Variants in PPIB observed in about 807,000 individuals in gnomAD.
PPIB encodes the protein peptidyl-prolyl cis-trans isomerase B.
In PPIB, 15 loss-of-function variants were observed where a neutral mutation model predicts 20.1. The observed-to-expected ratio is 0.75, with a 90% CI of 0.50 to 1.15. The LOEUF (loss-of-function observed/expected upper bound fraction) is 1.15, where lower values mean the gene tolerates loss of function less well. Among genes scored for constraint, PPIB ranks in the 50% most tolerant of loss-of-function variants. The pLI, the probability that PPIB is intolerant of heterozygous loss-of-function variation, is 0.00. For missense variants in PPIB, 278 were observed against 283.0 expected (o/e 0.98, Z 0.13); for synonymous variants, 129 against 111.0 (o/e 1.16, Z -1.02).
Position 64,162,996 on chromosome 15 carries a change from G to T in PPIB, c.-10C>A, listed in dbSNP as rs375998912. Reference sequence around the variant, plus strand: ...CGGAGAGGCGCAGCATCCACAGGCGGAGGCGAAAGCAGCCCGGACAGCTGA... The same window carrying T: ...CGGAGAGGCGCAGCATCCACAGGCGTAGGCGAAAGCAGCCCGGACAGCTGA... On this transcript the variant is annotated 5_prime_UTR_variant, in exon 1 of 5. Coordinates refer to ENST00000300026, the MANE Select transcript of PPIB (RefSeq NM_000942.5). 47 of 1,612,264 alleles carry T rather than the reference G, an allele frequency of 2.9e-5. 1 individual carries two copies. In the African/African-American group the frequency reaches 4.7e-4, roughly 16 times the overall value.
Position 64,156,139 on chromosome 15 carries a change from C to A in PPIB, c.535G>T (p.Val179Leu). The change falls in exon 5 of 5, where the codon GTG becomes TTG. Residue 179 changes from valine (V) to leucine (L), a missense_variant. By Grantham distance (32) the Val-to-Leu change is conservative. Coordinates refer to ENST00000300026, the MANE Select transcript of PPIB (RefSeq NM_000942.5). This position sits in a 1 kb window ranked among gnomAD's most constrained non-coding sequence, Gnocchi z 6.4. ...FGKVLEGMEV[V>L]RKVESTKTDS... ...GTCTTGGTGCTCTCCACCTTCCGCA[C>A]CACCTCCTGGAAAAGAAAGGTGGAA... is the stretch of plus-strand genomic sequence containing the variant. 1.2e-6 allele frequency: 2 copies of A among 1,614,142 alleles called. No homozygotes were observed. The highest frequency in any genetic ancestry group is 1.7e-6 in the Non-Finnish European group (2 of 1,180,038).
rs768394164 is a variant in PPIB at position 64,160,480 on chromosome 15, C to A, written c.250-283G>T. On this transcript the variant is annotated intron_variant, in intron 2 of 4. Coordinates refer to ENST00000300026, the MANE Select transcript of PPIB (RefSeq NM_000942.5). This position sits in a 1 kb window ranked among gnomAD's most constrained non-coding sequence, Gnocchi z 4.8. ...CCCTCATTTCTTCCAATCATAAGAA[C>A]AGATACAAGAAAACTGAGAAGAAAG... Among the ~76,000 whole-genome samples the A allele has an allele frequency of 6.6e-6, 1 of 152,144 alleles. No individual in the cohort carries two copies. The highest frequency in any genetic ancestry group is 1.5e-5 in the Non-Finnish European group (1 of 68,018).
Position 64,161,997 on chromosome 15 carries a change from A to G in PPIB, c.249+44T>C, listed in dbSNP as rs2081565843. On this transcript the variant is annotated intron_variant, in intron 2 of 4. Transcript: ENST00000300026. The surrounding 1 kb of genome is among the most constrained non-coding windows in gnomAD (Gnocchi z 4.2). Reference sequence around the variant, plus strand: ...CAGTTTGCTGCCATCCCCAGTGCCAATTTCACTTCATGTGAGTTGACTACC... The same window carrying G: ...CAGTTTGCTGCCATCCCCAGTGCCAGTTTCACTTCATGTGAGTTGACTACC... The G allele has an allele frequency of 6.9e-7, 1 of 1,451,806 alleles. No homozygotes were observed. Among genetic ancestry groups the G allele is most frequent in the Non-Finnish European group, 9.7e-7 (1 of 1,032,616 alleles). 89.9% of individuals were successfully genotyped at this position (1,451,806 alleles called of 1,614,324 possible). A position where few individuals can be genotyped will look rare whatever the true frequency, so the allele number is the denominator to read the frequency against.
Position 64,161,865 on chromosome 15 carries a change from G to C in PPIB, c.249+176C>G, listed in dbSNP as rs117511166. Reference sequence around the variant, plus strand: ...ATTTTAAGTGTGAGCCACTGTGCCTGGTCAGGGCCCCATTACTCTTAAGAA... The same window carrying C: ...ATTTTAAGTGTGAGCCACTGTGCCTCGTCAGGGCCCCATTACTCTTAAGAA... On this transcript the variant is annotated intron_variant, in intron 2 of 4. Transcript: ENST00000300026. This position sits in a 1 kb window ranked among gnomAD's most constrained non-coding sequence, Gnocchi z 4.2. 2.0e-5 allele frequency among the ~76,000 whole-genome samples: 3 copies of C among 152,266 alleles called. No individual in the cohort carries two copies. The East Asian group carries it at 5.8e-4, about 29-fold the overall frequency.
In PPIB at chr15:64,160,030, C is replaced by G. The variant is rs781754630; in HGVS notation, c.343+74G>C. On this transcript the variant is annotated intron_variant, in intron 3 of 4. Transcript: ENST00000300026. The surrounding 1 kb of genome is among the most constrained non-coding windows in gnomAD (Gnocchi z 4.8). Reference sequence around the variant, plus strand: ...GCTGGGGAAGAAAGAGGCCTGGTCTCCCCAGCAGAACCTGGCCCTCCCACT... The same window carrying G: ...GCTGGGGAAGAAAGAGGCCTGGTCTGCCCAGCAGAACCTGGCCCTCCCACT... The G allele has an allele frequency of 2.3e-6, 3 of 1,320,902 alleles. No individual in the cohort carries two copies. The African/African-American group carries it at 4.4e-5, about 19-fold the overall frequency. The allele number at this position is 1,320,902 out of a possible 1,614,324, so 81.8% of individuals were successfully genotyped here.
Position 64,159,800 on chromosome 15 carries a change from T to C in PPIB, c.343+304A>G, listed in dbSNP as rs2081555539. The C allele has an allele frequency of 8.1e-6, 4 of 494,320 alleles. 1 individual carries two copies. In the Admixed American group the frequency reaches 1.3e-4, roughly 16 times the overall value. The allele number at this position is 494,320 out of a possible 1,614,324, so 30.6% of individuals were successfully genotyped here. A position where few individuals can be genotyped will look rare whatever the true frequency, so the allele number is the denominator to read the frequency against. On this transcript the variant is annotated intron_variant, in intron 3 of 4. Transcript: ENST00000300026. The surrounding 1 kb of genome is among the most constrained non-coding windows in gnomAD (Gnocchi z 5.1). Reference sequence around the variant, plus strand: ...TTCACTTTGCTTCCACACGCCTCTCTCCCCAATCCCCATTCTGAAGAGGTA... The same window carrying C: ...TTCACTTTGCTTCCACACGCCTCTCCCCCCAATCCCCATTCTGAAGAGGTA...
chr15:64,160,152 C>A lies in PPIB; in HGVS notation c.295G>T (p.Asp99Tyr). 1 of 1,614,130 alleles carries A rather than the reference C, an allele frequency of 6.2e-7. No homozygotes were observed. Among genetic ancestry groups the A allele is most frequent in the South Asian group, 1.1e-5 (1 of 91,078 alleles). ...KNSKFHRVIK[D>Y]FMIQGGDFTR... ...AAGTCTCCGCCCTGGATCATGAAGT[C>A]CTTGATTACACGATGGAATTTGCTG... The change falls in exon 3 of 5, where the codon GAC becomes TAC. Residue 99 changes from aspartate to tyrosine, a missense_variant. Asp to Tyr is a radical substitution (Grantham distance 160). Coordinates refer to ENST00000300026, the MANE Select transcript of PPIB (RefSeq NM_000942.5). The surrounding 1 kb of genome is among the most constrained non-coding windows in gnomAD (Gnocchi z 4.8).
chr15:64,162,356 T>C (rs953999440), intron 1 of PPIB, among the ~76,000 whole-genome samples: 3 of 152,204 alleles, frequency 2.0e-5, no homozygotes, highest in Non-Finnish European at 4.4e-5. Context: ...AAAACATGCT[T>C]ATCTATACCC....
rs922640440 is a variant in PPIB at position 64,161,717 on chromosome 15, C to G, written c.249+324G>C. On this transcript the variant is annotated intron_variant, in intron 2 of 4. Coordinates refer to ENST00000300026, the MANE Select transcript of PPIB (RefSeq NM_000942.5). The surrounding 1 kb of genome is among the most constrained non-coding windows in gnomAD (Gnocchi z 4.2). ...TCCAGCCCAGGCGACAAGAGTGAAA[C>G]TCCGTCTCAAAAAAAAAAAAAAATT... 3.3e-5 allele frequency among the ~76,000 whole-genome samples: 5 copies of G among 151,004 alleles called. No homozygotes were observed. The highest frequency in any genetic ancestry group is 1.2e-4 in the African/African-American group (5 of 41,126).
rs1405976455 is a variant in PPIB at position 64,156,599 on chromosome 15, A to T, written c.528+126T>A. 7.9e-6 allele frequency: 9 copies of T among 1,135,048 alleles called. No homozygotes were observed. The East Asian group carries it at 1.2e-4, about 15-fold the overall frequency. 70.3% of individuals were successfully genotyped at this position (1,135,048 alleles called of 1,614,324 possible). A position where few individuals can be genotyped will look rare whatever the true frequency, so the allele number is the denominator to read the frequency against. On this transcript the variant is annotated intron_variant, in intron 4 of 4. Transcript: ENST00000300026. The surrounding 1 kb of genome is among the most constrained non-coding windows in gnomAD (Gnocchi z 6.4). The stretch of plus-strand genomic sequence containing the variant: ...TACAGGGTTTATTCTGGACAGGAGC[A>T]CTGGGCTGCATCTGTGGGTTGGGTC...
rs543515268 is a variant in PPIB at position 64,158,054 on chromosome 15, T to C, written c.344-1145A>G. Among the ~76,000 whole-genome samples the C allele has an allele frequency of 5.3e-5, 8 of 152,324 alleles. No individual in the cohort carries two copies. Among genetic ancestry groups the C allele is most frequent in the African/African-American group, 1.7e-4 (7 of 41,578 alleles). On this transcript the variant is annotated intron_variant, in intron 3 of 4. Coordinates refer to ENST00000300026, the MANE Select transcript of PPIB (RefSeq NM_000942.5). This position sits in a 1 kb window ranked among gnomAD's most constrained non-coding sequence, Gnocchi z 4.7. The stretch of plus-strand genomic sequence containing the variant: ...TATCCAGAAAACCCCCAAATCTCCA[T>C]CCTTAGCTCCAGCCACTCTCTCAAG...
chr15:64,161,654 G>C lies in PPIB; in HGVS notation c.249+387C>G, dbSNP rs1326955269. On this transcript the variant is annotated intron_variant, in intron 2 of 4. Coordinates refer to ENST00000300026, the MANE Select transcript of PPIB (RefSeq NM_000942.5). This position sits in a 1 kb window ranked among gnomAD's most constrained non-coding sequence, Gnocchi z 4.2. Reference sequence around the variant, plus strand: ...GCAGGAGAATCACTTAAACCCGGGAGGCGGAGGTTGCAGTGAGCTGAGGCC... The same window carrying C: ...GCAGGAGAATCACTTAAACCCGGGACGCGGAGGTTGCAGTGAGCTGAGGCC... Among the ~76,000 whole-genome samples, 4 of 151,976 alleles carry C rather than the reference G, an allele frequency of 2.6e-5. No individual in the cohort carries two copies. The highest frequency in any genetic ancestry group is 7.3e-5 in the African/African-American group (3 of 41,352).
chr15:64,156,287 A>C lies in PPIB; in HGVS notation c.529-142T>G. The C allele has an allele frequency of 3.7e-6, 4 of 1,073,232 alleles. No individual in the cohort carries two copies. Among genetic ancestry groups the C allele is most frequent in the Non-Finnish European group, 4.2e-6 (3 of 718,634 alleles). The allele number at this position is 1,073,232 out of a possible 1,614,324, so 66.5% of individuals were successfully genotyped here. On this transcript the variant is annotated intron_variant, in intron 4 of 4. Transcript: ENST00000300026. This position sits in a 1 kb window ranked among gnomAD's most constrained non-coding sequence, Gnocchi z 6.4. ...CAAAACTGGAGGCACCAAAATTCTAACAGACTCCTGGCCAGAGCAGGGAGA... is the reference window on the plus strand; with the variant it reads ...CAAAACTGGAGGCACCAAAATTCTACCAGACTCCTGGCCAGAGCAGGGAGA...
rs2081549828 is a variant in PPIB, at chr15:64,158,914, CT to C, written c.343+1189del. Among the ~76,000 whole-genome samples, 1 of 152,250 alleles carries C rather than the reference CT, an allele frequency of 6.6e-6. No individual in the cohort carries two copies. Among genetic ancestry groups the C allele is most frequent in the Non-Finnish European group, 1.5e-5 (1 of 68,052 alleles). ...CTAAGCACTCACTGCATGCCAGGCA[CT>C]TCACACTCCAGATCTAGCCCAATCC... On this transcript the variant is annotated intron_variant, in intron 3 of 4. Coordinates refer to ENST00000300026, the MANE Select transcript of PPIB (RefSeq NM_000942.5). The surrounding 1 kb of genome is among the most constrained non-coding windows in gnomAD (Gnocchi z 4.7).
Position 64,156,178 on chromosome 15 carries a change from G to T in PPIB, c.529-33C>A, listed in dbSNP as rs2081529909. On this transcript the variant is annotated intron_variant, in intron 4 of 4. Coordinates refer to ENST00000300026, the MANE Select transcript of PPIB (RefSeq NM_000942.5). The surrounding 1 kb of genome is among the most constrained non-coding windows in gnomAD (Gnocchi z 6.4). ...AGAAAGGTGGAAGCAGGAGGGCATGGTGGATCAGGAGGTCCACCGCTCAGG... is the reference window on the plus strand; with the variant it reads ...AGAAAGGTGGAAGCAGGAGGGCATGTTGGATCAGGAGGTCCACCGCTCAGG... 2 of 1,613,280 alleles carry T rather than the reference G, an allele frequency of 1.2e-6. No individual in the cohort carries two copies. The highest frequency in any genetic ancestry group is 4.5e-5 in the East Asian group (2 of 44,874).
chr15:64,156,220 A>G lies in PPIB; in HGVS notation c.529-75T>C. On this transcript the variant is annotated intron_variant, in intron 4 of 4. Coordinates refer to ENST00000300026, the MANE Select transcript of PPIB (RefSeq NM_000942.5). This position sits in a 1 kb window ranked among gnomAD's most constrained non-coding sequence, Gnocchi z 6.4. ...CCGCTCAGGAGAAAGGCCCCAGCGTATGGCTCAGGAGGGCTAAGACCCACA... is the reference window on the plus strand; with the variant it reads ...CCGCTCAGGAGAAAGGCCCCAGCGTGTGGCTCAGGAGGGCTAAGACCCACA... 1.3e-6 allele frequency: 2 copies of G among 1,584,134 alleles called. No individual in the cohort carries two copies. Among genetic ancestry groups the G allele is most frequent in the Non-Finnish European group, 8.6e-7 (1 of 1,159,650 alleles).
Position 64,162,846 on chromosome 15 carries a change from C to T in PPIB, c.135+6G>A. 1.2e-6 allele frequency: 2 copies of T among 1,610,020 alleles called. No homozygotes were observed. The highest frequency in any genetic ancestry group is 1.7e-6 in the Non-Finnish European group (2 of 1,178,490). On this transcript the variant is annotated splice_donor_region_variant and intron_variant, in intron 1 of 4. Coordinates refer to ENST00000300026, the MANE Select transcript of PPIB (RefSeq NM_000942.5). ...GGCACCGTAAATGCCGCGGACTCCA[C>T]CGGACCTTGACGGTGACTTTGGGCC...
At position 64,156,172 on chromosome 15, in the gene PPIB, G is replaced by A. The variant is rs750380543; in HGVS notation, c.529-27C>T. 4.3e-6 allele frequency: 7 copies of A among 1,613,534 alleles called. No homozygotes were observed. The highest frequency in any genetic ancestry group is 5.9e-6 in the Non-Finnish European group (7 of 1,179,862). On this transcript the variant is annotated intron_variant, in intron 4 of 4. Transcript: ENST00000300026. The surrounding 1 kb of genome is among the most constrained non-coding windows in gnomAD (Gnocchi z 6.4). Reference sequence around the variant, plus strand: ...TGGAAAAGAAAGGTGGAAGCAGGAGGGCATGGTGGATCAGGAGGTCCACCG... The same window carrying A: ...TGGAAAAGAAAGGTGGAAGCAGGAGAGCATGGTGGATCAGGAGGTCCACCG...
rs200786931 is a variant in PPIB at position 64,162,049 on chromosome 15, T to C, written c.241A>G (p.Thr81Ala). 63 of 1,611,090 alleles carry C rather than the reference T, an allele frequency of 3.9e-5. No individual in the cohort carries two copies. Among genetic ancestry groups the C allele is most frequent in the South Asian group, 1.3e-4 (12 of 91,026 alleles). Residue 81 changes from threonine to alanine, a missense_variant, in exon 2 of 5, where the codon ACA becomes GCA. Transcript: ENST00000300026. ...CTGCTCCAGCCACTTACCTCTCCTGTAGCTAAGGCCACAAAATTATCCACT... is the reference window on the plus strand; with the variant it reads ...CTGCTCCAGCCACTTACCTCTCCTGCAGCTAAGGCCACAAAATTATCCACT... ...KTVDNFVALATGEKGFGYKNS... is the reference protein window; with the variant it reads ...KTVDNFVALAAGEKGFGYKNS...
Sources: allele counts gnomAD v4.1 joint callset (sites outside exome capture counted in the v4.1 genomes callset), GRCh38; gene constraint gnomAD v4.1.1; non-coding constraint Gnocchi (gnomAD v3.1); transcripts MANE v1.5; gene names NCBI Gene and HGNC (gene_info 2026-07-23, HGNC 2026-07-21).